The following GABRB1 variants were observed in gnomAD, a reference collection of about 807,000 sequenced individuals.
The protein encoded by GABRB1 is gamma-aminobutyric acid type A receptor subunit beta1, also known as gamma-aminobutyric acid receptor subunit beta-1.
Under a neutral mutation model 51.6 loss-of-function variants are expected in GABRB1, and 17 were observed. That is an observed-to-expected ratio of 0.33 (90% CI 0.23 to 0.49). GABRB1 has a LOEUF of 0.49. GABRB1 is among the 20% of genes least tolerant of loss of function. The probability of loss-of-function intolerance (pLI) is 0.99; values close to 1 mark genes in which losing one functional copy is unlikely to be tolerated. For missense variants in GABRB1, 410 were observed against 600.6 expected (o/e 0.68, Z 3.32); for synonymous variants, 247 against 218.9 (o/e 1.13, Z -1.14).
chr4:47,321,453 A>G lies in GABRB1; in HGVS notation c.544+1244A>G, dbSNP rs1471527110. Reference sequence around the variant, plus strand: ...AAACCTAGAATGAACAAGAAAATTCATGAAATATTCTCTAATCAATATTCT... The same window carrying G: ...AAACCTAGAATGAACAAGAAAATTCGTGAAATATTCTCTAATCAATATTCT... On this transcript the variant is annotated intron_variant, in intron 5 of 8. Coordinates refer to ENST00000295454, the MANE Select transcript of GABRB1 (RefSeq NM_000812.4). 2.6e-5 allele frequency among the ~76,000 whole-genome samples: 4 copies of G among 152,210 alleles called. No homozygotes were observed. In the East Asian group the frequency reaches 7.7e-4, roughly 29 times the overall value.
chr4:47,044,990 TGTGATACTCCCTTTATATGAGGAG>T, intron 3 of GABRB1, among the ~76,000 whole-genome samples: 1 of 152,228 alleles, frequency 6.6e-6, no homozygotes, highest in Middle Eastern at 3.4e-3. Flanking sequence ...TGTCATATTT[TGTGATACTCCCTTTATATGAGGAG>T]GAAATAAAAT....
intron 3 of GABRB1, among the ~76,000 whole-genome samples, chr4:47,100,398 G>C (rs1281326056): frequency 2.6e-5 from 4 of 152,072 alleles, no homozygotes; most frequent in Non-Finnish European, 4.4e-5. Flanking sequence ...TAAACCTCTT[G>C]AGGAAAAGGA....
At chr4:47,284,114 A>C (rs1410712645) in intron 4 of GABRB1, among the ~76,000 whole-genome samples, 1 of 151,710 alleles carries the variant, frequency 6.6e-6, no homozygotes, top group African/African-American at 2.4e-5. Context: ...AAAAAAAAAA[A>C]AAAAAAGGAA....
chr4:47,281,285 T>C (rs1481974362), intron 4 of GABRB1, among the ~76,000 whole-genome samples: 11 of 152,254 alleles, frequency 7.2e-5, no homozygotes, highest in African/African-American at 2.6e-4. Context: ...CCAAGAGAAA[T>C]GTTAAAAAAT....
At chr4:47,419,531 A>G (rs566328539) in intron 8 of GABRB1, among the ~76,000 whole-genome samples, 1 of 152,320 alleles carries the variant, frequency 6.6e-6, no homozygotes, top group South Asian at 2.1e-4. Flanking sequence ...TGTCCAGTAA[A>G]ACATTTAGAA....
At chr4:47,150,918 T>G (rs1168081847) in intron 3 of GABRB1, among the ~76,000 whole-genome samples, 1 of 151,970 alleles carries the variant, frequency 6.6e-6, no homozygotes, top group Admixed American at 6.6e-5. Context: ...TGTCTCTGAA[T>G]AGTAAATTTT....
At chr4:47,305,508 G>A (rs969863898) in intron 4 of GABRB1, among the ~76,000 whole-genome samples, 1 of 151,946 alleles carries the variant, frequency 6.6e-6, no homozygotes, top group Non-Finnish European at 1.5e-5. Context: ...CATCAATTCT[G>A]TGTCAGACAC....
chr4:47,410,754 T>A lies in GABRB1; in HGVS notation c.1080+3828T>A, dbSNP rs537830421. ...TTAGTTACTGTCCACTATATAAAAG[T>A]CAGAGTTTGGAGTTTGAATCCAGCC... On this transcript the variant is annotated intron_variant, in intron 8 of 8. Transcript: ENST00000295454. 2.0e-5 allele frequency among the ~76,000 whole-genome samples: 3 copies of A among 152,312 alleles called. No individual in the cohort carries two copies. In the East Asian group the frequency reaches 5.8e-4, roughly 29 times the overall value.
intron 4 of GABRB1, among the ~76,000 whole-genome samples, chr4:47,229,713 G>C (rs1721069617): frequency 6.6e-6 from 1 of 152,114 alleles, no homozygotes; most frequent in Non-Finnish European, 1.5e-5. Context: ...ATCTTTACAA[G>C]AAGGGGCTGG....
chr4:47,207,191 G>C (rs747300835), intron 4 of GABRB1, among the ~76,000 whole-genome samples: 3 of 151,824 alleles, frequency 2.0e-5, no homozygotes, highest in Non-Finnish European at 2.9e-5. Context: ...CTCATATAAG[G>C]TTAGCTCATT....
At chr4:47,418,936 A>G (rs540007499) in intron 8 of GABRB1, among the ~76,000 whole-genome samples, 4 of 152,340 alleles carry the variant, frequency 2.6e-5, no homozygotes, top group African/African-American at 4.8e-5. Flanking sequence ...CCCTTGTCAT[A>G]ATGAAATGTG....
chr4:47,145,616 A>G (rs1314843459), intron 3 of GABRB1, among the ~76,000 whole-genome samples: 3 of 152,184 alleles, frequency 2.0e-5, no homozygotes, highest in South Asian at 2.1e-4. Context: ...ACGACATAGC[A>G]TGTCTATTTA....
intron 3 of GABRB1, among the ~76,000 whole-genome samples, chr4:47,081,785 T>C (rs1229639007): frequency 6.6e-6 from 1 of 152,054 alleles, no homozygotes; most frequent in Non-Finnish European, 1.5e-5. Context: ...TTTTCATTAG[T>C]AGGGCAATAT....
At chr4:47,400,991 C>T (rs1294867773) in intron 5 of GABRB1, among the ~76,000 whole-genome samples, 1 of 141,828 alleles carries the variant, frequency 7.1e-6, no homozygotes, top group Non-Finnish European at 1.5e-5. Flanking sequence ...TGCAATGGCA[C>T]GATCTCCGCT....
intron 3 of GABRB1, among the ~76,000 whole-genome samples, chr4:47,057,338 T>C (rs1285793389): frequency 2.0e-5 from 3 of 152,234 alleles, no homozygotes; most frequent in Non-Finnish European, 2.9e-5. Context: ...TGAGTTTTTA[T>C]ACAATGTGAT....
chr4:47,143,276 G>T (rs971141752), intron 3 of GABRB1, among the ~76,000 whole-genome samples: 10 of 151,882 alleles, frequency 6.6e-5, no homozygotes, highest in African/African-American at 1.9e-4. Flanking sequence ...CACTGAGAGA[G>T]CAATGTCCTG....
At chr4:47,320,257 C>A in intron 5 of GABRB1, 48 bp downstream of exon 5, 1 of 1,200,930 alleles carries the variant, frequency 8.3e-7, no homozygotes, top group Non-Finnish European at 1.2e-6. Context: ...CTTCCTTGAC[C>A]CAGTTGAATT....
intron 3 of GABRB1, among the ~76,000 whole-genome samples, chr4:47,106,717 T>C (rs1207655285): frequency 1.3e-5 from 2 of 152,058 alleles, no homozygotes; most frequent in Non-Finnish European, 2.9e-5. Flanking sequence ...TGAGGACTCA[T>C]ATTACTCAGA....
At chr4:47,092,643 C>T (rs1178999689) in intron 3 of GABRB1, among the ~76,000 whole-genome samples, 2 of 150,406 alleles carry the variant, frequency 1.3e-5, no homozygotes, top group East Asian at 2.0e-4. Flanking sequence ...CTCACTCTGT[C>T]GCCCAGGTTG....
Sources: allele counts gnomAD v4.1 joint callset (sites outside exome capture counted in the v4.1 genomes callset), GRCh38; gene constraint gnomAD v4.1.1; transcripts MANE v1.5; gene names NCBI Gene and HGNC (gene_info 2026-07-23, HGNC 2026-07-21).